TRDN: variants seen among roughly 807,000 people sequenced by gnomAD.
TRDN encodes the protein triadin, also known as triadin in skeletal muscle.
TRDN carries 161 observed loss-of-function variants against 149.7 expected under a neutral mutation model. The ratio of observed to expected loss-of-function variants is 1.08; its 90% confidence interval spans 0.95 to 1.23. The LOEUF (loss-of-function observed/expected upper bound fraction) is 1.23. Ranked by LOEUF, TRDN falls within the 50% of genes most tolerant of loss-of-function variation. TRDN has a pLI of 0.00. For missense variants in TRDN, 896 were observed against 823.5 expected (o/e 1.09, Z -1.08); for synonymous variants, 294 against 250.5 (o/e 1.17, Z -1.64).
At chr6:123,316,567 C>T in intron 23 of TRDN, 72 bp from the exon 24 acceptor site, 1 of 1,366,284 alleles carries the variant, frequency 7.3e-7, no homozygotes, top group Non-Finnish European at 1.0e-6. Flanking sequence ...ATAGTCAGTA[C>T]AAAGTGGATT....
At position 123,570,812 on chromosome 6, in the gene TRDN, G is replaced by GT. The variant is rs1782535080; in HGVS notation, c.232+110dup. 4.3e-6 allele frequency: 4 copies of GT among 928,878 alleles called. No homozygotes were observed. The South Asian group carries it at 6.7e-5, about 15-fold the overall frequency. The allele number at this position is 928,878 out of a possible 1,614,324, so 57.5% of individuals were successfully genotyped here. ...TGATCCTCAAGCACATTTGTGGGGT[G>GT]TTTCTTCCTCACACTAAGATGAAAC... On this transcript the variant is annotated intron_variant, in intron 2 of 40. Transcript: ENST00000334268.
At chr6:123,240,511 G>A (rs1272003498) in intron 38 of TRDN, among the ~76,000 whole-genome samples, 1 of 151,284 alleles carries the variant, frequency 6.6e-6, no homozygotes, top group Non-Finnish European at 1.5e-5. Flanking sequence ...TTATAGCAAT[G>A]GATTTTTTTT....
rs1425468147 is a variant in TRDN, at chr6:123,266,416, AGATTATGATATG to A, written c.1784-1090_1784-1079del. ...ATGATATGTATTATATATAATATAT[AGATTATGATATG>A]TATTATATATAATATATAGATTATG... is the stretch of plus-strand genomic sequence containing the variant. On this transcript the variant is annotated intron_variant, in intron 32 of 40. Transcript: ENST00000334268. Among the ~76,000 whole-genome samples the A allele has an allele frequency of 1.5e-4, 14 of 92,072 alleles. 1 individual carries two copies. Among genetic ancestry groups the A allele is most frequent in the African/African-American group, 3.2e-4 (4 of 12,480 alleles). The allele number at this position is 92,072 out of a possible 152,430, so 60.4% of individuals were successfully genotyped here. A position where few individuals can be genotyped will look rare whatever the true frequency, so the allele number is the denominator to read the frequency against.
chr6:123,489,813 T>A (rs910255838), intron 9 of TRDN, among the ~76,000 whole-genome samples: 3 of 152,070 alleles, frequency 2.0e-5, no homozygotes, highest in Non-Finnish European at 4.4e-5. Flanking sequence ...ATCACTATGA[T>A]TGTTTATAGT....
In TRDN at chr6:123,584,571, G is replaced by T. The variant is rs1202685894; in HGVS notation, c.23-13439C>A. 5.3e-5 allele frequency among the ~76,000 whole-genome samples: 8 copies of T among 152,180 alleles called. 1 individual carries two copies. The South Asian group carries it at 1.2e-3, about 24-fold the overall frequency. The stretch of plus-strand genomic sequence containing the variant: ...CGGACACGATCAGCAGGGAACGCAC[G>T]TGTGTTTTTATGAGATTATGCCGAG... On this transcript the variant is annotated intron_variant, in intron 1 of 40. Transcript: ENST00000334268.
intron 23 of TRDN, among the ~76,000 whole-genome samples, chr6:123,317,066 C>A (rs1457180245): frequency 6.6e-6 from 1 of 151,738 alleles, no homozygotes; most frequent in Non-Finnish European, 1.5e-5. Context: ...TGTCCTAGGA[C>A]AATGTCTTTT....
At chr6:123,555,402 A>G (rs1781595644) in intron 2 of TRDN, among the ~76,000 whole-genome samples, 2 of 152,162 alleles carry the variant, frequency 1.3e-5, no homozygotes, top group Admixed American at 6.6e-5. Flanking sequence ...GAAGTCAAGC[A>G]TTCAAAAAAT....
chr6:123,337,711 G>C (rs372582166), intron 21 of TRDN, 42 bp from the exon 22 acceptor site: 15 of 1,254,464 alleles, frequency 1.2e-5, no homozygotes, highest in Middle Eastern at 1.9e-4. Flanking sequence ...CAAGGAATAA[G>C]AGAGGAAAAA....
intron 38 of TRDN, among the ~76,000 whole-genome samples, chr6:123,240,853 T>C (rs772542695): frequency 2.6e-5 from 4 of 151,960 alleles, no homozygotes; most frequent in Non-Finnish European, 5.9e-5. Flanking sequence ...ATATTATTTT[T>C]ATCAACAACT....
intron 38 of TRDN, among the ~76,000 whole-genome samples, chr6:123,230,445 G>A (rs1775556727): frequency 6.6e-6 from 1 of 151,776 alleles, no homozygotes; most frequent in Non-Finnish European, 1.5e-5. Flanking sequence ...TAAATGACGA[G>A]TTAGTGGGTG....
intron 38 of TRDN, among the ~76,000 whole-genome samples, chr6:123,246,515 C>T (rs766531748): frequency 1.3e-5 from 2 of 152,000 alleles, no homozygotes; most frequent in Non-Finnish European, 2.9e-5. Flanking sequence ...CACATACACC[C>T]TCCCAAGACC....
chr6:123,563,857 G>GA (rs1782130689), intron 2 of TRDN, among the ~76,000 whole-genome samples: 1 of 152,094 alleles, frequency 6.6e-6, no homozygotes, highest in Admixed American at 6.5e-5. Flanking sequence ...ACCCAGGCTG[G>GA]AGTGCAGTGG....
Position 123,490,749 on chromosome 6 carries a change from A to G in TRDN, c.853+6444T>C, listed in dbSNP as rs183455948. 2.8e-4 allele frequency among the ~76,000 whole-genome samples: 43 copies of G among 152,354 alleles called. No homozygotes were observed. The East Asian group carries it at 7.7e-3, about 27-fold the overall frequency. ...AGAGAAAGGCAGGCATCCAAAAGAA[A>G]TGGACAATGTGAATTTAAAAATAAT... On this transcript the variant is annotated intron_variant, in intron 9 of 40. Transcript: ENST00000334268.
intron 12 of TRDN, among the ~76,000 whole-genome samples, chr6:123,422,222 C>T (rs1054981915): frequency 1.3e-5 from 2 of 152,068 alleles, no homozygotes; most frequent in African/African-American, 2.4e-5. Context: ...TGGAACCAGT[C>T]GCTGGGACGT....
intron 21 of TRDN, chr6:123,351,260 T>TTTCATA: frequency 1.0e-6 from 1 of 967,408 alleles, no homozygotes; most frequent in Non-Finnish European, 1.2e-6. Flanking sequence ...GTTTACACAT[T>TTTCATA]TTCATATCCT....
At chr6:123,554,186 T>C (rs955303735) in intron 2 of TRDN, among the ~76,000 whole-genome samples, 1 of 150,518 alleles carries the variant, frequency 6.6e-6, no homozygotes, top group Non-Finnish European at 1.5e-5. Context: ...GAGGTAAAGG[T>C]TTTTTTTTAA....
chr6:123,488,422 G>A (rs1250597027), intron 9 of TRDN, among the ~76,000 whole-genome samples: 3 of 151,992 alleles, frequency 2.0e-5, no homozygotes, highest in East Asian at 3.9e-4. Context: ...CACTTCTCCC[G>A]GCCCTGTCCA....
chr6:123,287,486 G>A (rs948565540), intron 24 of TRDN, among the ~76,000 whole-genome samples: 1 of 152,112 alleles, frequency 6.6e-6, no homozygotes, highest in African/African-American at 2.4e-5. Flanking sequence ...TTTGATAACC[G>A]TAGTTGCTTT....
intron 5 of TRDN, among the ~76,000 whole-genome samples, chr6:123,517,644 G>T (rs1779475934): frequency 6.6e-6 from 1 of 151,894 alleles, no homozygotes; most frequent in South Asian, 2.1e-4. Flanking sequence ...ATAACTAAAT[G>T]CTAGTAGCTC....
Sources: allele counts gnomAD v4.1 joint callset (sites outside exome capture counted in the v4.1 genomes callset), GRCh38; gene constraint gnomAD v4.1.1; transcripts MANE v1.5; gene names NCBI Gene and HGNC (gene_info 2026-07-23, HGNC 2026-07-21).